TRPC1: variants seen among roughly 807,000 people sequenced by gnomAD.
The protein encoded by TRPC1 is short transient receptor potential channel 1.
A neutral mutation model predicts 88.2 loss-of-function variants in TRPC1; 42 were observed. The observed-to-expected ratio is 0.48, with a 90% CI of 0.37 to 0.62. The LOEUF is 0.62. TRPC1 is among the 20% of genes least tolerant of loss of function. The probability of loss-of-function intolerance (pLI) is 0.00; values close to 1 mark genes in which losing one functional copy is unlikely to be tolerated. For missense variants in TRPC1, 699 were observed against 957.3 expected (o/e 0.73, Z 3.56); for synonymous variants, 288 against 331.8 (o/e 0.87, Z 1.43).
chr3:142,780,673 G>A (rs909153964), intron 5 of TRPC1, among the ~76,000 whole-genome samples, 161 bp from the exon 6 acceptor site: 5 of 152,178 alleles, frequency 3.3e-5, no homozygotes, highest in African/African-American at 1.2e-4. Context: ...TGGAAAATTC[G>A]TGCATCACTA....
chr3:142,732,188 C>T (rs889257994), intron 1 of TRPC1, among the ~76,000 whole-genome samples: 5 of 152,006 alleles, frequency 3.3e-5, no homozygotes, highest in African/African-American at 9.7e-5. Context: ...TTACAAAATA[C>T]GGGGCTTGGG....
In TRPC1 at chr3:142,776,631, G is replaced by A. The variant is rs1053662277; in HGVS notation, c.633-1001G>A. Among the ~76,000 whole-genome samples the A allele has an allele frequency of 5.3e-5, 8 of 152,066 alleles. No individual in the cohort carries two copies. Among genetic ancestry groups the A allele is most frequent in the South Asian group, 4.1e-4 (2 of 4,828 alleles). On this transcript the variant is annotated intron_variant, in intron 4 of 12. Coordinates refer to ENST00000476941, the MANE Select transcript of TRPC1 (RefSeq NM_001251845.2). The surrounding 1 kb of genome is among the most constrained non-coding windows in gnomAD (Gnocchi z 4.1). ...ATTAAAATATTTTTATGGTCTGGGC[G>A]CGGTGGCTCACGCCTGTAATCCCAG...
At chr3:142,787,430 G>A (rs1936167825) in intron 7 of TRPC1, among the ~76,000 whole-genome samples, 1 of 152,046 alleles carries the variant, frequency 6.6e-6, no homozygotes, top group African/African-American at 2.4e-5. Flanking sequence ...TTGTATATTT[G>A]TTTTGTTTGC....
At chr3:142,749,149 A>G (rs886661370) in intron 4 of TRPC1, among the ~76,000 whole-genome samples, 2 of 152,170 alleles carry the variant, frequency 1.3e-5, no homozygotes, top group African/African-American at 4.8e-5. Flanking sequence ...ATTAAAATGG[A>G]GCTGAAAAAT....
chr3:142,801,554 ATACATGTCTAAAC>A (rs1209378323), intron 9 of TRPC1, among the ~76,000 whole-genome samples: 1 of 152,162 alleles, frequency 6.6e-6, no homozygotes, highest in African/African-American at 2.4e-5. Context: ...CATATGCACT[ATACATGTCTAAAC>A]TACAAAAGAT....
At chr3:142,749,010 T>G (rs1404952848) in intron 4 of TRPC1, among the ~76,000 whole-genome samples, 3 of 152,222 alleles carry the variant, frequency 2.0e-5, no homozygotes, top group Non-Finnish European at 4.4e-5. Flanking sequence ...GGGCATGCTG[T>G]ATAAGATACA....
chr3:142,768,834 C>T (rs1263207668), intron 4 of TRPC1, among the ~76,000 whole-genome samples: 1 of 152,006 alleles, frequency 6.6e-6, no homozygotes, highest in Non-Finnish European at 1.5e-5. Context: ...ACTTTGCTTT[C>T]CCATTTTCTT....
Position 142,781,014 on chromosome 3 carries a change from A to G in TRPC1, c.945A>G (p.Lys315=), listed in dbSNP as rs1165308573. The G allele has an allele frequency of 1.9e-6, 3 of 1,611,414 alleles. No individual in the cohort carries two copies. The highest frequency in any genetic ancestry group is 2.7e-5 in the African/African-American group (2 of 74,742). The part of the protein sequence containing the change: ...MNLSRLKLAI[K]YNQKEFVSQS... ...TAAGTCGTCTAAAACTTGCTATCAA[A>G]TATAACCAGAAAGAGGTATGAGGCT... The change falls in exon 6 of 13, where the codon AAA becomes AAG. Residue 315 remains lysine (K), a synonymous_variant. Coordinates refer to ENST00000476941, the MANE Select transcript of TRPC1 (RefSeq NM_001251845.2).
chr3:142,744,271 T>C (rs1439387536), intron 3 of TRPC1, among the ~76,000 whole-genome samples: 2 of 152,148 alleles, frequency 1.3e-5, no homozygotes, highest in African/African-American at 4.8e-5. Context: ...AAAAAAATCA[T>C]TGATAGCAAG....
intron 5 of TRPC1, 28 bp from the exon 6 acceptor site, chr3:142,780,806 T>G (rs768587844): frequency 7.1e-6 from 11 of 1,554,414 alleles, no homozygotes; most frequent in Non-Finnish European, 7.8e-6. Context: ...AAACGACGTT[T>G]CTGATAATAG....
chr3:142,737,915 T>G (rs758701327), intron 2 of TRPC1, among the ~76,000 whole-genome samples: 1 of 152,160 alleles, frequency 6.6e-6, no homozygotes, highest in Non-Finnish European at 1.5e-5. Context: ...AGTTTAAATT[T>G]TAAAATTAAA....
chr3:142,790,156 TGAG>T (rs1057274115), intron 7 of TRPC1, among the ~76,000 whole-genome samples: 1 of 151,464 alleles, frequency 6.6e-6, no homozygotes, highest in Non-Finnish European at 1.5e-5. Flanking sequence ...GATCTCTGGG[TGAG>T]GAGGGTCCAG....
chr3:142,795,639 A>C (rs1936428299), intron 9 of TRPC1, among the ~76,000 whole-genome samples: 1 of 152,172 alleles, frequency 6.6e-6, no homozygotes, highest in South Asian at 2.1e-4. Context: ...TTCAAAAATG[A>C]AGGTAAAATG....
chr3:142,749,709 T>G (rs1424925128), intron 4 of TRPC1, among the ~76,000 whole-genome samples: 3 of 152,224 alleles, frequency 2.0e-5, no homozygotes, highest in South Asian at 2.1e-4. Context: ...GGCATGGTAA[T>G]GTTACCAAAA....
intron 9 of TRPC1, among the ~76,000 whole-genome samples, chr3:142,793,245 C>T (rs575862615): frequency 1.3e-5 from 2 of 152,092 alleles, no homozygotes; most frequent in African/African-American, 4.8e-5. Context: ...AATTACACTT[C>T]AGACAGTAGA....
intron 1 of TRPC1, among the ~76,000 whole-genome samples, chr3:142,736,044 G>T (rs1173786164): frequency 6.6e-6 from 1 of 151,980 alleles, no homozygotes; most frequent in Non-Finnish European, 1.5e-5. Context: ...TGTCCAGTCT[G>T]TGCCTTTGGG....
chr3:142,743,625 A>G (rs755488417), intron 3 of TRPC1, 39 bp downstream of exon 3: 1 of 1,317,728 alleles, frequency 7.6e-7, no homozygotes, highest in South Asian at 1.6e-5. Context: ...GGATTTTTAA[A>G]CCAAAATAGA....
intron 1 of TRPC1, among the ~76,000 whole-genome samples, chr3:142,733,308 T>C (rs1934003446): frequency 6.6e-6 from 1 of 152,156 alleles, no homozygotes; most frequent in Admixed American, 6.5e-5. Flanking sequence ...GGTCAGGAGT[T>C]CGAGACCAGG....
chr3:142,769,873 G>A (rs927512274), intron 4 of TRPC1, among the ~76,000 whole-genome samples: 1 of 152,032 alleles, frequency 6.6e-6, no homozygotes, highest in Non-Finnish European at 1.5e-5. Context: ...AGAGTGTTCT[G>A]TAGATGTCTG....
Sources: allele counts gnomAD v4.1 joint callset (sites outside exome capture counted in the v4.1 genomes callset), GRCh38; gene constraint gnomAD v4.1.1; non-coding constraint Gnocchi (gnomAD v3.1); transcripts MANE v1.5; gene names NCBI Gene and HGNC (gene_info 2026-07-23, HGNC 2026-07-21).